DLGAP1: variants seen among roughly 807,000 people sequenced by gnomAD.
DLGAP1 encodes the protein disks large-associated protein 1.
A neutral mutation model predicts 90.8 loss-of-function variants in DLGAP1; 11 were observed. The ratio of observed to expected loss-of-function variants is 0.12; its 90% CI spans 0.08 to 0.20. The LOEUF is 0.20. Ranked by LOEUF, DLGAP1 falls within the 10% of genes least tolerant of loss-of-function variation. The pLI, the probability that DLGAP1 is intolerant of heterozygous loss-of-function variation, is 1.00. For synonymous variants in DLGAP1, 558 were observed against 540.7 expected, an observed-to-expected ratio of 1.03 and a Z score of -0.44; for missense variants, 1,050 against 1,333.8, an observed-to-expected ratio of 0.79 and a Z score of 3.31.
intron 5 of DLGAP1, among the ~76,000 whole-genome samples, chr18:3,745,604 G>T (rs1412625823): frequency 6.6e-6 from 1 of 152,120 alleles, no homozygotes; most frequent in South Asian, 2.1e-4. Flanking sequence ...AGGTCTAAAG[G>T]TTCTAAGAAC....
intron 7 of DLGAP1, among the ~76,000 whole-genome samples, chr18:3,664,211 CACA>C (rs1567923370): frequency 3.3e-5 from 4 of 122,130 alleles, no homozygotes; most frequent in East Asian, 2.0e-4. Context: ...CACACACACA[CACA>C]CACCCACACA....
At chr18:3,810,590 CT>C (rs961542585) in intron 5 of DLGAP1, among the ~76,000 whole-genome samples, 1 of 151,974 alleles carries the variant, frequency 6.6e-6, no homozygotes. Flanking sequence ...ATATAGTTTT[CT>C]TTTTTGAGGA....
intron 3 of DLGAP1, among the ~76,000 whole-genome samples, chr18:3,966,993 T>C (rs891879011): frequency 2.0e-5 from 3 of 152,166 alleles, no homozygotes; most frequent in African/African-American, 4.8e-5. Context: ...AGCCAGGTTT[T>C]CTAAGAGAAG....
intron 3 of DLGAP1, among the ~76,000 whole-genome samples, chr18:3,936,000 A>C (rs2072628796): frequency 6.6e-6 from 1 of 152,194 alleles, no homozygotes; most frequent in Non-Finnish European, 1.5e-5. Context: ...CCAAGAAAAG[A>C]CTTAACCAGC....
chr18:4,382,648 G>A (rs1406798742), intron 1 of DLGAP1, among the ~76,000 whole-genome samples: 2 of 151,894 alleles, frequency 1.3e-5, no homozygotes, highest in African/African-American at 4.8e-5. Flanking sequence ...TTTGGCTCCT[G>A]GGTTTAAATA....
At chr18:4,297,747 CCTCT>C (rs150369573) in intron 1 of DLGAP1, among the ~76,000 whole-genome samples, 1 of 151,502 alleles carries the variant, frequency 6.6e-6, no homozygotes, top group East Asian at 1.9e-4. Flanking sequence ...ATTAATTTCT[CCTCT>C]CTCTCTCTCA....
intron 2 of DLGAP1, among the ~76,000 whole-genome samples, chr18:4,018,860 A>G (rs986530373): frequency 6.6e-6 from 1 of 152,152 alleles, no homozygotes; most frequent in Non-Finnish European, 1.5e-5. Flanking sequence ...TGGAAAAGGT[A>G]CTCCGATTTG....
At chr18:3,720,616 G>A (rs1268969942) in intron 7 of DLGAP1, among the ~76,000 whole-genome samples, 3 of 152,078 alleles carry the variant, frequency 2.0e-5, no homozygotes, top group Non-Finnish European at 4.4e-5. Flanking sequence ...TGGCTTTGCA[G>A]CATTGTCCAA....
At chr18:3,838,971 GAAGAA>G (rs2068554722) in intron 4 of DLGAP1, among the ~76,000 whole-genome samples, 1 of 152,160 alleles carries the variant, frequency 6.6e-6, no homozygotes, top group South Asian at 2.1e-4. Context: ...ATCTGGGAGT[GAAGAA>G]AACTTGTTCC....
At chr18:4,316,425 G>C (rs114014181) in intron 1 of DLGAP1, among the ~76,000 whole-genome samples, 1,979 of 152,298 alleles carry the variant, frequency 0.013, 51 homozygotes, top group African/African-American at 0.046. Flanking sequence ...ATGGGAATCA[G>C]GCAGGGTCGG....
intron 1 of DLGAP1, among the ~76,000 whole-genome samples, chr18:4,381,503 GCTGT>G (rs111517565): frequency 0.13 from 19,997 of 152,018 alleles, 1,667 homozygotes; most frequent in African/African-American, 0.21. Context: ...CACTAATTAT[GCTGT>G]CTGTTATTTC....
intron 5 of DLGAP1, among the ~76,000 whole-genome samples, chr18:3,773,459 C>A (rs1411327151): frequency 1.3e-5 from 2 of 152,124 alleles, no homozygotes; most frequent in Non-Finnish European, 2.9e-5. Context: ...CCTCTAGGAA[C>A]AAAATGTTTT....
chr18:4,015,152 G>A (rs145339361), intron 2 of DLGAP1, among the ~76,000 whole-genome samples: 25 of 152,240 alleles, frequency 1.6e-4, no homozygotes, highest in African/African-American at 5.3e-4. Flanking sequence ...GAAGTCCCAC[G>A]CTGGAAAAAC....
intron 3 of DLGAP1, among the ~76,000 whole-genome samples, chr18:3,887,109 T>C (rs530600673): frequency 6.6e-6 from 1 of 152,368 alleles, no homozygotes; most frequent in East Asian, 1.9e-4. Flanking sequence ...GGGCCTGCGC[T>C]GGCCCCATAG....
chr18:3,778,941 A>C (rs1254439808), intron 5 of DLGAP1, among the ~76,000 whole-genome samples: 1 of 152,110 alleles, frequency 6.6e-6, no homozygotes, highest in Non-Finnish European at 1.5e-5. Flanking sequence ...GGAACTGCAG[A>C]GGCATGCAAA....
At position 3,534,502 on chromosome 18, in the gene DLGAP1, C is replaced by T. The variant is rs2052213177; in HGVS notation, c.2171G>A (p.Gly724Asp). 1 of 1,614,040 alleles carries T rather than the reference C, an allele frequency of 6.2e-7. No homozygotes were observed. Among genetic ancestry groups the T allele is most frequent in the Non-Finnish European group, 8.5e-7 (1 of 1,180,036 alleles). Residue 724 changes from glycine (G) to aspartate (D), a missense_variant, in exon 10 of 13, where the codon GGC becomes GAC. Around this residue, in one of 2 missense-constraint regions of DLGAP1, gnomAD observed 565 missense variants for 879.7 expected, o/e 0.64. Transcript: ENST00000315677. Reference sequence around the variant, plus strand: ...GCGGGAGAACTGTCTGGCCATGGGGCCAGGACACGAATTGTCCTCTATAGA... The same window carrying T: ...GCGGGAGAACTGTCTGGCCATGGGGTCAGGACACGAATTGTCCTCTATAGA... ...LESIEDNSCP[G>D]PMARQFSRDA... is the part of the protein sequence containing the mutation.
intron 12 of DLGAP1, chr18:3,502,244 T>C: frequency 7.4e-7 from 1 of 1,355,388 alleles, no homozygotes; most frequent in Non-Finnish European, 9.5e-7. Context: ...AAAGTTTAAT[T>C]AACAAAAAAA....
intron 7 of DLGAP1, among the ~76,000 whole-genome samples, chr18:3,728,213 A>G (rs111717646): frequency 0.013 from 2,041 of 151,560 alleles, 23 homozygotes; most frequent in Non-Finnish European, 0.017. Flanking sequence ...ATCTTCTTGT[A>G]GAATACTCTA....
At position 3,660,971 on chromosome 18, in the gene DLGAP1, A is replaced by G. The variant is rs1190491203; in HGVS notation, c.1591+68164T>C. Among the ~76,000 whole-genome samples the G allele has an allele frequency of 6.6e-6, 1 of 152,202 alleles. No homozygotes were observed. Among genetic ancestry groups the G allele is most frequent in the Non-Finnish European group, 1.5e-5 (1 of 68,036 alleles). ...ATAGAGAAAGAGGAACTAAAAAAGA[A>G]CTTCAGCCTTTAATATCCTTTTTCT... is the stretch of plus-strand genomic sequence containing the variant. On this transcript the variant is annotated intron_variant, in intron 7 of 12. Transcript: ENST00000315677. This position sits in a 1 kb window ranked among gnomAD's most constrained non-coding sequence, Gnocchi z 4.2.
Sources: allele counts gnomAD v4.1 joint callset (sites outside exome capture counted in the v4.1 genomes callset), GRCh38; gene constraint gnomAD v4.1.1; regional missense constraint gnomAD v4.1.1; non-coding constraint Gnocchi (gnomAD v3.1); transcripts MANE v1.5; gene names NCBI Gene and HGNC (gene_info 2026-07-23, HGNC 2026-07-21).